The following CELSR1 variants were observed in gnomAD, a reference collection of about 807,000 sequenced individuals.
The protein encoded by CELSR1 is adhesion G protein-coupled receptor C1.
CELSR1 carries 110 observed loss-of-function variants against 249.1 expected under a neutral mutation model. That is an observed-to-expected ratio of 0.44 (90% CI 0.38 to 0.52). The LOEUF is 0.52. Ranked by LOEUF, CELSR1 falls within the 20% of genes least tolerant of loss-of-function variation. The probability of loss-of-function intolerance (pLI) is 0.00; values close to 1 mark genes in which losing one functional copy is unlikely to be tolerated. For synonymous variants in CELSR1, 2,113 were observed against 1,900.0 expected (o/e 1.11, Z -2.92); for missense variants, 4,109 against 4,296.4 (o/e 0.96, Z 1.22).
At position 46,417,645 on chromosome 22, in the gene CELSR1, T is replaced by C. The variant is rs2079418505; in HGVS notation, c.4612-5886A>G. ...TCAAGTTCCTCTGCCCAACTCTGGC[T>C]GAGGGGGACAGGTGCTCCTGAATCC... On this transcript the variant is annotated intron_variant, in intron 5 of 34. Coordinates refer to ENST00000674500, the MANE Select transcript of CELSR1 (RefSeq NM_001378328.1). The surrounding 1 kb of genome is among the most constrained non-coding windows in gnomAD (Gnocchi z 4.1). 2.0e-5 allele frequency among the ~76,000 whole-genome samples: 3 copies of C among 152,322 alleles called. No homozygotes were observed. In the South Asian group the frequency reaches 6.2e-4, roughly 32 times the overall value.
Position 46,533,700 on chromosome 22 carries a change from C to G in CELSR1, c.3471G>C (p.Thr1157=). 6.2e-7 allele frequency: 1 copy of G among 1,611,766 alleles called. No individual in the cohort carries two copies. ...GGTCGCGGCTGAGCTGCAGTTCGCC[C>G]GTGGCGGGGTCCAGCAGCAACAGGC... ...ELRLLLLDPA[T]GELQLSRDLD... is the part of the protein sequence containing the mutation. The change falls in exon 1 of 35, where the codon ACG becomes ACC. Residue 1157 remains threonine, a synonymous_variant. Coordinates refer to ENST00000674500, the MANE Select transcript of CELSR1 (RefSeq NM_001378328.1).
chr22:46,485,710 G>A (rs969321763), intron 1 of CELSR1, among the ~76,000 whole-genome samples: 2 of 152,154 alleles, frequency 1.3e-5, no homozygotes, highest in East Asian at 1.9e-4. Context: ...TTTGTGTGGC[G>A]GGGACCGTTG....
intron 2 of CELSR1, among the ~76,000 whole-genome samples, chr22:46,458,006 T>C (rs1456225747): frequency 6.6e-6 from 1 of 152,284 alleles, no homozygotes; most frequent in East Asian, 1.9e-4. Context: ...CCCGCGGGCA[T>C]GTTCTGTTGG....
At chr22:46,382,101 C>T (rs940286459) in intron 20 of CELSR1, 51 bp from the exon 21 acceptor site, 1 of 1,442,466 alleles carries the variant, frequency 6.9e-7, no homozygotes, top group Admixed American at 2.5e-5. Flanking sequence ...CTGTGTTCCC[C>T]AAGACTGCCG....
At position 46,473,155 on chromosome 22, in the gene CELSR1, G is replaced by C. The variant is rs1395970614; in HGVS notation, c.3545-8810C>G. ...GGGGGTGGCTGAAGGAGAAATGTCC[G>C]CAGAGGGGTGGACAGGACCCACGCA... On this transcript the variant is annotated intron_variant, in intron 1 of 34. Coordinates refer to ENST00000674500, the MANE Select transcript of CELSR1 (RefSeq NM_001378328.1). This position sits in a 1 kb window ranked among gnomAD's most constrained non-coding sequence, Gnocchi z 6.6. 6.6e-6 allele frequency among the ~76,000 whole-genome samples: 1 copy of C among 152,126 alleles called. No homozygotes were observed. Among genetic ancestry groups the C allele is most frequent in the African/African-American group, 2.4e-5 (1 of 41,428 alleles).
intron 2 of CELSR1, among the ~76,000 whole-genome samples, chr22:46,457,510 G>A (rs999422110): frequency 5.9e-5 from 9 of 152,144 alleles, no homozygotes; most frequent in Middle Eastern, 3.2e-3. Context: ...ACTTGTTGCC[G>A]TCCCCCTCCA....
intron 2 of CELSR1, among the ~76,000 whole-genome samples, chr22:46,460,209 A>ACACC (rs1184286202): frequency 8.2e-6 from 1 of 122,394 alleles, no homozygotes; most frequent in African/African-American, 4.1e-5. Flanking sequence ...ACACACACAC[A>ACACC]CACACACCCA....
chr22:46,471,225 A>G lies in CELSR1; in HGVS notation c.3545-6880T>C, dbSNP rs909966415. On this transcript the variant is annotated intron_variant, in intron 1 of 34. Transcript: ENST00000674500. The surrounding 1 kb of genome is among the most constrained non-coding windows in gnomAD (Gnocchi z 4.9). ...CCAGAGAGCTATCGGCACTGTGGACAGTGGTTCTGTCTGCATTGCTGATTT... is the reference window on the plus strand; with the variant it reads ...CCAGAGAGCTATCGGCACTGTGGACGGTGGTTCTGTCTGCATTGCTGATTT... 1.3e-5 allele frequency among the ~76,000 whole-genome samples: 2 copies of G among 152,230 alleles called. No individual in the cohort carries two copies. Among genetic ancestry groups the G allele is most frequent in the African/African-American group, 4.8e-5 (2 of 41,458 alleles).
In CELSR1 at chr22:46,412,948, G is replaced by A. The variant is rs112722553; in HGVS notation, c.4612-1189C>T. 0.017 allele frequency among the ~76,000 whole-genome samples: 2,568 copies of A among 152,266 alleles called. 68 individuals are homozygous for A. Among genetic ancestry groups the A allele is most frequent in the Middle Eastern group, 0.061 (18 of 294 alleles). On this transcript the variant is annotated intron_variant, in intron 5 of 34. Coordinates refer to ENST00000674500, the MANE Select transcript of CELSR1 (RefSeq NM_001378328.1). This position sits in a 1 kb window ranked among gnomAD's most constrained non-coding sequence, Gnocchi z 4.5. ...ATGCCCCACAATTGGCACACAATGC[G>A]CAGCAGAGCCTCCCCCTCCACCCCA...
In CELSR1 at chr22:46,366,445, C is replaced by T. The variant is rs190965610; in HGVS notation, c.8241G>A (p.Gly2747=). 149 of 1,550,326 alleles carry T rather than the reference C, an allele frequency of 9.6e-5. No homozygotes were observed. The highest frequency in any genetic ancestry group is 1.2e-4 in the Non-Finnish European group (143 of 1,146,746). ...CCAAGTCTGTGCGCAGCATGTCAGG[C>T]CCGTCACCGAAGGTGGTGTTGCAGT... ...SLNCNTTFGD[G]PDMLRTDLGE... is the part of the protein sequence containing the mutation. Residue 2747 remains glycine, a synonymous_variant, in exon 30 of 35, where the codon GGG becomes GGA. Coordinates refer to ENST00000674500, the MANE Select transcript of CELSR1 (RefSeq NM_001378328.1).
rs2079294855 is a variant in CELSR1 at position 46,408,706 on chromosome 22, G to GC, written c.5226+289dup. Among the ~76,000 whole-genome samples the GC allele has an allele frequency of 6.6e-6, 1 of 152,188 alleles. No homozygotes were observed. The highest frequency in any genetic ancestry group is 1.5e-5 in the Non-Finnish European group (1 of 68,030). On this transcript the variant is annotated intron_variant, in intron 9 of 34. Coordinates refer to ENST00000674500, the MANE Select transcript of CELSR1 (RefSeq NM_001378328.1). This position sits in a 1 kb window ranked among gnomAD's most constrained non-coding sequence, Gnocchi z 4.6. ...AAGGCTCGGCACCTCCCTCAGTTCT[G>GC]CAATGCCCACGCTCCAGCCAAACCC...
chr22:46,416,048 A>G (rs2079396742), intron 5 of CELSR1, among the ~76,000 whole-genome samples: 1 of 146,316 alleles, frequency 6.8e-6, no homozygotes, highest in African/African-American at 2.6e-5. Context: ...TCCAGCCAGG[A>G]AAAGCACTTG....
rs1189148617 is a variant in CELSR1 at position 46,409,551 on chromosome 22, T to C, written c.5059+204A>G. On this transcript the variant is annotated intron_variant, in intron 8 of 34. Transcript: ENST00000674500. The surrounding 1 kb of genome is among the most constrained non-coding windows in gnomAD (Gnocchi z 9.8). Reference sequence around the variant, plus strand: ...CTGTCCCACCCCACACCTGAGGGACTGGGGACCCCAGAAGCAGGAGCAGGG... The same window carrying C: ...CTGTCCCACCCCACACCTGAGGGACCGGGGACCCCAGAAGCAGGAGCAGGG... Among the ~76,000 whole-genome samples the C allele has an allele frequency of 6.6e-6, 1 of 152,086 alleles. No homozygotes were observed. Among genetic ancestry groups the C allele is most frequent in the Non-Finnish European group, 1.5e-5 (1 of 67,992 alleles).
Position 46,439,364 on chromosome 22 carries a change from C to T in CELSR1, c.4231G>A (p.Val1411Met), listed in dbSNP as rs554546615. Residue 1411 changes from valine to methionine, a missense_variant, in exon 3 of 35, where the codon GTG (valine) becomes ATG (methionine). Physicochemically the swap from Val to Met is conservative, Grantham distance 21. This residue lies in a region of CELSR1 where 453 missense variants were observed against 492.0 expected (regional missense o/e 0.92). Coordinates refer to ENST00000674500, the MANE Select transcript of CELSR1 (RefSeq NM_001378328.1). ...ACGCAGGTGCCCCCGTTCTTGCACACCCCGTTGGCACAGCGGCCTGAGCGG... is the reference window on the plus strand; with the variant it reads ...ACGCAGGTGCCCCCGTTCTTGCACATCCCGTTGGCACAGCGGCCTGAGCGG... ...DARSGRCANG[V>M]CKNGGTCVNL... The T allele has an allele frequency of 1.9e-6, 3 of 1,613,984 alleles. No homozygotes were observed. Among genetic ancestry groups the T allele is most frequent in the Admixed American group, 3.3e-5 (2 of 60,022 alleles).
chr22:46,480,404 C>T (rs540275858), intron 1 of CELSR1, among the ~76,000 whole-genome samples: 111 of 152,272 alleles, frequency 7.3e-4, no homozygotes, highest in African/African-American at 2.2e-3. Flanking sequence ...AGTTCTTATC[C>T]AAATGATAAG....
In CELSR1 at chr22:46,363,040, G is replaced by T; in HGVS notation, c.*183C>A. On this transcript the variant is annotated 3_prime_UTR_variant, in exon 35 of 35. Transcript: ENST00000674500. The surrounding 1 kb of genome is among the most constrained non-coding windows in gnomAD (Gnocchi z 4.3). ...AGCTCCTGGGAGAACCAAGACCTTT[G>T]TGTCTGGATGATCAGTCGGGGGGCT... 7.7e-7 allele frequency: 1 copy of T among 1,292,282 alleles called. No homozygotes were observed. The highest frequency in any genetic ancestry group is 1.1e-6 in the Non-Finnish European group (1 of 912,772). 80.1% of individuals were successfully genotyped at this position (1,292,282 alleles called of 1,614,324 possible).
At position 46,521,232 on chromosome 22, in the gene CELSR1, G is replaced by A. The variant is rs529078525; in HGVS notation, c.3544+12395C>T. On this transcript the variant is annotated intron_variant, in intron 1 of 34. Coordinates refer to ENST00000674500, the MANE Select transcript of CELSR1 (RefSeq NM_001378328.1). Reference sequence around the variant, plus strand: ...AAAGATCTTGTTTTCAGCCGGGCGCGGTGGCTCACGCCTGTAATCTCAGCA... The same window carrying A: ...AAAGATCTTGTTTTCAGCCGGGCGCAGTGGCTCACGCCTGTAATCTCAGCA... Among the ~76,000 whole-genome samples the A allele has an allele frequency of 2.1e-4, 32 of 152,186 alleles. No individual in the cohort carries two copies. In the East Asian group the frequency reaches 3.7e-3, roughly 17 times the overall value.
Position 46,361,353 on chromosome 22 carries a change from T to G in CELSR1, c.*1870A>C, listed in dbSNP as rs1032227229. On this transcript the variant is annotated 3_prime_UTR_variant, in exon 35 of 35. Transcript: ENST00000674500. ...CTCAATAAAACTGACAGTTGTTTTTTGGTAACAGTTCTGATCAAATTAAAA... is the reference window on the plus strand; with the variant it reads ...CTCAATAAAACTGACAGTTGTTTTTGGGTAACAGTTCTGATCAAATTAAAA... 19 of 152,532 alleles carry G rather than the reference T, an allele frequency of 1.2e-4. No individual in the cohort carries two copies. The highest frequency in any genetic ancestry group is 2.6e-4 in the Non-Finnish European group (18 of 68,044). The allele number at this position is 152,532 out of a possible 1,614,324, so 9.4% of individuals were successfully genotyped here.
Position 46,369,802 on chromosome 22 carries a change from G to A in CELSR1, c.7762C>T (p.Leu2588=). The A allele has an allele frequency of 6.2e-7, 1 of 1,612,916 alleles. No individual in the cohort carries two copies. Among genetic ancestry groups the A allele is most frequent in the East Asian group, 2.2e-5 (1 of 44,878 alleles). Residue 2588 remains leucine (L), a splice_region_variant and synonymous_variant, in exon 26 of 35, where the codon CTG becomes TTG. Coordinates refer to ENST00000674500, the MANE Select transcript of CELSR1 (RefSeq NM_001378328.1). The part of the protein sequence containing the change: ...GWGIPAIVTG[L]AVGLDPQGYG... ...CCCTGGGGGTCCAGGCCGACCGCCA[G>A]TCCTGAACACAGCGGGGAGGAAGGG...
Sources: allele counts gnomAD v4.1 joint callset (sites outside exome capture counted in the v4.1 genomes callset), GRCh38; gene constraint gnomAD v4.1.1; regional missense constraint gnomAD v4.1.1; non-coding constraint Gnocchi (gnomAD v3.1); transcripts MANE v1.5; gene names NCBI Gene and HGNC (gene_info 2026-07-23, HGNC 2026-07-21).